Variants in ATP6V0A1 observed in about 807,000 individuals in gnomAD.
The protein encoded by ATP6V0A1 is ATPase H+ transporting V0 subunit a1.
Under a neutral mutation model 105.4 loss-of-function variants are expected in ATP6V0A1, and 43 were observed. The ratio of observed to expected loss-of-function variants is 0.41; its 90% CI spans 0.32 to 0.53. ATP6V0A1 has a LOEUF of 0.53. Ranked by LOEUF, ATP6V0A1 falls within the 20% of genes least tolerant of loss-of-function variation. The pLI, the probability that ATP6V0A1 is intolerant of heterozygous loss-of-function variation, is 0.30. For synonymous variants in ATP6V0A1, 362 were observed against 372.8 expected (o/e 0.97, Z 0.33); for missense variants, 676 against 1,051.1 (o/e 0.64, Z 4.93).
In ATP6V0A1 at chr17:42,514,458, C is replaced by G; in HGVS notation, c.2418C>G (p.His806Gln). Residue 806 changes from histidine (H) to glutamine (Q), a missense_variant and splice_region_variant, in exon 21 of 22, where the codon CAC becomes CAG. Physicochemically the swap from His to Gln is conservative, Grantham distance 24. Transcript: ENST00000343619. ...LSAFLHALRL[H>Q]WVEFQNKFYS... ...CCTTTCTCCACGCACTGCGCTTACA[C>G]TGGTGAGGGGCAGTGGGGCAGGGCG... The G allele has an allele frequency of 6.3e-7, 1 of 1,594,552 alleles. No individual in the cohort carries two copies. The highest frequency in any genetic ancestry group is 1.7e-4 in the Middle Eastern group (1 of 5,948).
chr17:42,495,279 G>A (rs1343757576), intron 13 of ATP6V0A1, 91 bp downstream of exon 13: 12 of 1,374,096 alleles, frequency 8.7e-6, no homozygotes, highest in South Asian at 3.9e-5. Context: ...CACTTCTTTA[G>A]GAAGTGGTGA....
chr17:42,507,667 G>A (rs747432199), intron 18 of ATP6V0A1, 40 bp downstream of exon 18: 4 of 1,548,714 alleles, frequency 2.6e-6, no homozygotes, highest in East Asian at 2.2e-5. Flanking sequence ...CTTCCACCTC[G>A]GGTCAGCCCT....
chr17:42,477,050 G>C (rs2088843761), intron 5 of ATP6V0A1, among the ~76,000 whole-genome samples: 1 of 152,116 alleles, frequency 6.6e-6, no homozygotes, highest in Non-Finnish European at 1.5e-5. Flanking sequence ...AATTTTAAAG[G>C]GGCTGGAAAC....
At chr17:42,498,651 C>G (rs2091405003) in intron 14 of ATP6V0A1, among the ~76,000 whole-genome samples, 1 of 152,006 alleles carries the variant, frequency 6.6e-6, no homozygotes, top group Non-Finnish European at 1.5e-5. Context: ...ACGGTGAAAC[C>G]CTGTCTCTAC....
At chr17:42,501,152 G>A in intron 16 of ATP6V0A1, 45 bp from the exon 17 acceptor site, 1 of 1,506,648 alleles carries the variant, frequency 6.6e-7, no homozygotes, top group Non-Finnish European at 9.2e-7. Context: ...TATGTGATCG[G>A]TAGACTTTTA....
chr17:42,514,718 C>T (rs1215144227), intron 21 of ATP6V0A1, among the ~76,000 whole-genome samples: 1 of 152,152 alleles, frequency 6.6e-6, no homozygotes, highest in African/African-American at 2.4e-5. Flanking sequence ...CCGCTCCCTG[C>T]CTTTAGCTGT....
In ATP6V0A1 at chr17:42,521,017, CTT is replaced by C; in HGVS notation, c.2421-8_2421-7del. 6.3e-7 allele frequency: 1 copy of C among 1,582,582 alleles called. No homozygotes were observed. The highest frequency in any genetic ancestry group is 8.6e-7 in the Non-Finnish European group (1 of 1,164,134). On this transcript the variant is annotated splice_region_variant and splice_polypyrimidine_tract_variant and intron_variant, in intron 21 of 21. Transcript: ENST00000343619. The surrounding 1 kb of genome is among the most constrained non-coding windows in gnomAD (Gnocchi z 4.8). Reference sequence around the variant, plus strand: ...TATTGAATGACAGCTTTCTTCTTCTCTTTCTCCAGGGTTGAGTTCCAGAATAA... The same window carrying C: ...TATTGAATGACAGCTTTCTTCTTCTCTCTCCAGGGTTGAGTTCCAGAATAA...
At chr17:42,465,026 T>G (rs6416924) in intron 2 of ATP6V0A1, among the ~76,000 whole-genome samples, 130,361 of 151,942 alleles carry the variant, frequency 0.86, 56,803 homozygotes, top group Non-Finnish European at 0.93. Flanking sequence ...AGAGTCTCGC[T>G]CTGTTGCCCA....
At chr17:42,493,844 T>G (rs2090901818) in intron 11 of ATP6V0A1, among the ~76,000 whole-genome samples, 1 of 152,116 alleles carries the variant, frequency 6.6e-6, no homozygotes, top group Non-Finnish European at 1.5e-5. Flanking sequence ...GTAGCTCAAA[T>G]TTCATTAGCT....
At chr17:42,474,977 T>C (rs907134677) in intron 5 of ATP6V0A1, among the ~76,000 whole-genome samples, 1 of 152,260 alleles carries the variant, frequency 6.6e-6, no homozygotes. Context: ...TTCTTGCTTA[T>C]GAAGAACTGT....
chr17:42,520,924 G>A (rs577505245), intron 21 of ATP6V0A1, 103 bp from the exon 22 acceptor site: 21 of 1,009,928 alleles, frequency 2.1e-5, no homozygotes, highest in African/African-American at 1.6e-4. Context: ...AGGGAGGCTC[G>A]GGGTGAGGTG....
chr17:42,487,887 A>G (rs907447148), intron 10 of ATP6V0A1, among the ~76,000 whole-genome samples: 1 of 152,262 alleles, frequency 6.6e-6, no homozygotes, highest in Non-Finnish European at 1.5e-5. Context: ...ATAGCGTAGC[A>G]TAGCATATCT....
chr17:42,483,411 A>AT (rs760755835), intron 9 of ATP6V0A1, among the ~76,000 whole-genome samples: 7,232 of 144,560 alleles, frequency 0.05, 184 homozygotes, highest in Middle Eastern at 0.073. Context: ...TGGGTCTGAG[A>AT]TTTTTTTTTT....
chr17:42,477,618 T>C (rs752208452), intron 5 of ATP6V0A1, 42 bp from the exon 6 acceptor site: 14 of 1,603,910 alleles, frequency 8.7e-6, no homozygotes, highest in Admixed American at 1.7e-5. Context: ...TCATTAGATA[T>C]TAATTGATTT....
intron 13 of ATP6V0A1, 109 bp from the exon 14 acceptor site, chr17:42,495,517 A>G: frequency 1.2e-6 from 1 of 843,642 alleles, no homozygotes; most frequent in South Asian, 1.7e-5. Flanking sequence ...CTCCCATTTT[A>G]TTGAAGAGAC....
chr17:42,508,506 G>C, intron 18 of ATP6V0A1, 66 bp from the exon 19 acceptor site: 1 of 1,598,226 alleles, frequency 6.3e-7, no homozygotes, highest in Non-Finnish European at 8.6e-7. Flanking sequence ...CAGTAGCCTT[G>C]TGCTCCTAAC....
At chr17:42,492,383 G>C (rs1183399755) in intron 11 of ATP6V0A1, among the ~76,000 whole-genome samples, 3 of 151,188 alleles carry the variant, frequency 2.0e-5, no homozygotes, top group Non-Finnish European at 4.4e-5. Flanking sequence ...GTAAGGGGCA[G>C]GTTTACTGTC....
intron 17 of ATP6V0A1, among the ~76,000 whole-genome samples, chr17:42,505,052 T>C (rs1315553258): frequency 2.6e-5 from 4 of 151,398 alleles, no homozygotes; most frequent in South Asian, 2.1e-4. Flanking sequence ...TTTTTTTTTT[T>C]CTGAGATGAA....
chr17:42,461,770 AAAC>A (rs561780451), intron 2 of ATP6V0A1, among the ~76,000 whole-genome samples: 13 of 152,138 alleles, frequency 8.5e-5, no homozygotes, highest in Admixed American at 3.3e-4. Flanking sequence ...ACTCCGTCTC[AAAC>A]AACAACAACA....
Sources: allele counts gnomAD v4.1 joint callset (sites outside exome capture counted in the v4.1 genomes callset), GRCh38; gene constraint gnomAD v4.1.1; non-coding constraint Gnocchi (gnomAD v3.1); transcripts MANE v1.5; gene names NCBI Gene and HGNC (gene_info 2026-07-23, HGNC 2026-07-21).